Variants in TET2 observed in about 807,000 individuals in gnomAD.
TET2 encodes methylcytosine dioxygenase TET2.
Under a neutral mutation model 142.9 loss-of-function variants are expected in TET2, and 299 were observed. The ratio of observed to expected loss-of-function variants is 2.09; its 90% CI spans 1.90 to 2.30. The LOEUF is 2.30. Among genes scored for constraint, TET2 ranks in the 30% most tolerant of loss-of-function variants. TET2 has a pLI of 0.00. For missense variants in TET2, 2,418 were observed against 2,378.0 expected (o/e 1.02, Z -0.35); for synonymous variants, 819 against 849.0 (o/e 0.96, Z 0.61).
intron 3 of TET2, chr4:105,237,897 T>G (rs753074532): frequency 1.2e-5 from 13 of 1,040,470 alleles, no homozygotes; most frequent in South Asian, 4.3e-5. Flanking sequence ...TCTCCATTTA[T>G]ACATTTGGAA....
chr4:105,229,483 G>C (rs969763343), intron 2 of TET2, among the ~76,000 whole-genome samples: 2 of 151,886 alleles, frequency 1.3e-5, no homozygotes, highest in Non-Finnish European at 2.9e-5. Flanking sequence ...GCTACTTTTT[G>C]TATTTTTAGT....
chr4:105,181,603 A>G (rs1725126545), intron 1 of TET2, among the ~76,000 whole-genome samples: 1 of 152,238 alleles, frequency 6.6e-6, no homozygotes, highest in Non-Finnish European at 1.5e-5. Context: ...GTAATTCTGT[A>G]CAATCTCCTA....
intron 8 of TET2, among the ~76,000 whole-genome samples, chr4:105,266,168 G>A (rs1346563352): frequency 6.6e-6 from 1 of 152,110 alleles, no homozygotes; most frequent in Non-Finnish European, 1.5e-5. Context: ...ACAGGACCTG[G>A]AATAGTTCTT....
At chr4:105,224,227 A>G (rs919973684) in intron 2 of TET2, among the ~76,000 whole-genome samples, 1 of 152,156 alleles carries the variant, frequency 6.6e-6, no homozygotes, top group African/African-American at 2.4e-5. Flanking sequence ...GAGCATATCT[A>G]CAGCTTTATG....
chr4:105,199,149 G>T (rs1726284060), intron 2 of TET2, among the ~76,000 whole-genome samples: 1 of 152,160 alleles, frequency 6.6e-6, no homozygotes, highest in South Asian at 2.1e-4. Flanking sequence ...CTTTATTAAA[G>T]AATGTTGGAT....
chr4:105,258,273 T>A (rs1370063536), intron 6 of TET2, among the ~76,000 whole-genome samples: 1 of 150,176 alleles, frequency 6.7e-6, no homozygotes, highest in Admixed American at 6.7e-5. Flanking sequence ...TTTTCAGAGA[T>A]CCTTATTCTG....
Position 105,272,804 on chromosome 4 carries a change from G to A in TET2, c.4423G>A (p.Ala1475Thr), listed in dbSNP as rs991358608. Residue 1475 changes from alanine to threonine, a missense_variant, in exon 10 of 11, where the codon GCA (alanine) becomes ACA (threonine). Transcript: ENST00000380013. ...AAGGAAACTAGAAGCCAAGAAAGCT[G>A]CAGCTGAAAAGCTTTCCTCCCTGGA... ...RQRKLEAKKA[A>T]AEKLSSLENS... The A allele has an allele frequency of 6.4e-7, 1 of 1,551,644 alleles. No individual in the cohort carries two copies. The highest frequency in any genetic ancestry group is 8.7e-7 in the Non-Finnish European group (1 of 1,146,948).
chr4:105,224,051 C>G (rs1305442042), intron 2 of TET2, among the ~76,000 whole-genome samples: 1 of 151,350 alleles, frequency 6.6e-6, no homozygotes, highest in African/African-American at 2.4e-5. Flanking sequence ...AGTATGGCAA[C>G]TATACAAATC....
chr4:105,157,010 A>G lies in TET2; in HGVS notation c.-193+10031A>G, dbSNP rs1010240627. Among the ~76,000 whole-genome samples, 12 of 152,118 alleles carry G rather than the reference A, an allele frequency of 7.9e-5. 1 individual carries two copies. The highest frequency in any genetic ancestry group is 2.9e-4 in the African/African-American group (12 of 41,410). On this transcript the variant is annotated intron_variant, in intron 1 of 10. Coordinates refer to ENST00000380013, the MANE Select transcript of TET2 (RefSeq NM_001127208.3). Reference sequence around the variant, plus strand: ...TTTTATAACTTTTCATTATATTTGCATTAAAAGGATCACTTTGAGCACCCT... The same window carrying G: ...TTTTATAACTTTTCATTATATTTGCGTTAAAAGGATCACTTTGAGCACCCT...
At position 105,195,598 on chromosome 4, in the gene TET2, G is replaced by A. The variant is rs977142211; in HGVS notation, c.-47+5093G>A. ...TCCCATATACTTCGAATCATCTCTC[G>A]ATTATTTATAATACTACAATGTCCA... On this transcript the variant is annotated intron_variant, in intron 2 of 10. Coordinates refer to ENST00000380013, the MANE Select transcript of TET2 (RefSeq NM_001127208.3). 9.8e-4 allele frequency among the ~76,000 whole-genome samples: 149 copies of A among 151,994 alleles called. 1 individual carries two copies. Among genetic ancestry groups the A allele is most frequent in the Non-Finnish European group, 1.7e-3 (116 of 67,990 alleles).
chr4:105,237,964 T>C, intron 3 of TET2: 4 of 965,356 alleles, frequency 4.1e-6, no homozygotes, highest in Non-Finnish European at 5.1e-6. Flanking sequence ...TCTTTTTGAT[T>C]AAAAAATATG....
At chr4:105,154,542 A>T (rs1323568116) in intron 1 of TET2, among the ~76,000 whole-genome samples, 1 of 152,230 alleles carries the variant, frequency 6.6e-6, no homozygotes, top group East Asian at 1.9e-4. Context: ...TGAGAAGGAT[A>T]CTTAATCACT....
intron 6 of TET2, among the ~76,000 whole-genome samples, chr4:105,255,829 C>G (rs1445458363): frequency 2.0e-5 from 3 of 151,888 alleles, no homozygotes; most frequent in Non-Finnish European, 4.4e-5. Flanking sequence ...TAGGATTTGT[C>G]TGCCATTTTG....
intron 8 of TET2, among the ~76,000 whole-genome samples, chr4:105,268,199 A>G (rs1730782503): frequency 6.6e-6 from 1 of 152,224 alleles, no homozygotes; most frequent in African/African-American, 2.4e-5. Flanking sequence ...CTACCAGAAA[A>G]TGAAATTAAT....
intron 2 of TET2, among the ~76,000 whole-genome samples, chr4:105,209,073 A>ATG (rs932366341): frequency 9.4e-6 from 1 of 106,860 alleles, no homozygotes; most frequent in Non-Finnish European, 1.9e-5. Flanking sequence ...ATATATATAT[A>ATG]TATATATATA....
intron 2 of TET2, among the ~76,000 whole-genome samples, chr4:105,199,011 A>G (rs1726271056): frequency 6.6e-6 from 1 of 152,146 alleles, no homozygotes; most frequent in Admixed American, 6.5e-5. Context: ...GGTTTTAGCT[A>G]TTTGGAAACT....
intron 5 of TET2, 111 bp from the exon 6 acceptor site, chr4:105,243,459 T>C: frequency 1.0e-6 from 1 of 982,914 alleles, no homozygotes; most frequent in Non-Finnish European, 1.6e-6. Flanking sequence ...CTAATTGTGA[T>C]CTAAACATGA....
At chr4:105,171,858 A>T (rs1330286110) in intron 1 of TET2, 2 of 152,204 alleles carry the variant, frequency 1.3e-5, no homozygotes, top group Non-Finnish European at 2.9e-5. Flanking sequence ...TCTGCTTTGG[A>T]AGCCTATTTC....
At chr4:105,146,761 T>A (rs948224865), upstream of TET2, 1 of 152,052 alleles carries the variant, frequency 6.6e-6, no homozygotes, top group Admixed American at 6.6e-5. Context: ...CCCGCTCGCA[T>A]GCAAGTCACG....
Sources: gnomAD v4.1 joint callset for allele counts (sites outside exome capture counted in the v4.1 genomes callset) on GRCh38, gnomAD v4.1.1 for gene constraint, MANE v1.5 for transcripts, NCBI Gene and HGNC (gene_info 2026-07-23, HGNC 2026-07-21) for gene names.